ZFYVE9: variants seen among roughly 807,000 people sequenced by gnomAD.
ZFYVE9 encodes zinc finger FYVE domain-containing protein 9.
A neutral mutation model predicts 126.7 loss-of-function variants in ZFYVE9; 43 were observed. That is an observed-to-expected ratio of 0.34 (90% confidence interval 0.27 to 0.44). The LOEUF (loss-of-function observed/expected upper bound fraction) is 0.44. Ranked by LOEUF, ZFYVE9 falls within the 20% of genes least tolerant of loss-of-function variation. ZFYVE9 has a pLI of 1.00. For synonymous variants in ZFYVE9, 521 were observed against 597.4 expected (o/e 0.87, Z 1.87); for missense variants, 1,476 against 1,697.0 (o/e 0.87, Z 2.29).
intron 3 of ZFYVE9, among the ~76,000 whole-genome samples, chr1:52,234,644 A>G (rs780911709): frequency 1.3e-5 from 2 of 152,148 alleles, no homozygotes; most frequent in Non-Finnish European, 2.9e-5. Flanking sequence ...GAGAGAGAGG[A>G]AGGCTACCAG....
In ZFYVE9 at chr1:52,282,470, C is replaced by T. The variant is rs571068244; in HGVS notation, c.3025+654C>T. Among the ~76,000 whole-genome samples the T allele has an allele frequency of 1.2e-4, 18 of 152,214 alleles. No homozygotes were observed. In the South Asian group the frequency reaches 3.7e-3, roughly 32 times the overall value. The stretch of plus-strand genomic sequence containing the variant: ...ATTGAACTATTCTCGTTTATTGTAA[C>T]AGGAAGTCAGTACATAATATCTGTA... On this transcript the variant is annotated intron_variant, in intron 10 of 18. Coordinates refer to ENST00000287727, the MANE Select transcript of ZFYVE9 (RefSeq NM_004799.4).
chr1:52,251,225 C>T (rs1309178454), intron 4 of ZFYVE9, among the ~76,000 whole-genome samples: 2 of 152,074 alleles, frequency 1.3e-5, no homozygotes, highest in African/African-American at 4.8e-5. Flanking sequence ...GCACATGCCA[C>T]CATGCCTGGC....
intron 17 of ZFYVE9, among the ~76,000 whole-genome samples, chr1:52,342,821 C>T (rs552534588): frequency 1.3e-4 from 20 of 152,242 alleles, no homozygotes; most frequent in African/African-American, 3.1e-4. Context: ...TGTGAGCCAC[C>T]GCACCCGGCC....
chr1:52,179,828 T>C, intron 1 of ZFYVE9: 1 of 627,064 alleles, frequency 1.6e-6, no homozygotes, highest in African/African-American at 1.8e-5. Context: ...ACAGCTGGCT[T>C]CAGCAATTGG....
At chr1:52,175,757 A>G (rs534750239) in intron 1 of ZFYVE9, among the ~76,000 whole-genome samples, 1 of 151,952 alleles carries the variant, frequency 6.6e-6, no homozygotes, top group East Asian at 1.9e-4. Flanking sequence ...CATTCATTTC[A>G]TCTTCCATCA....
chr1:52,265,377 A>G (rs1364573322), intron 5 of ZFYVE9, among the ~76,000 whole-genome samples: 1 of 152,200 alleles, frequency 6.6e-6, no homozygotes, highest in Non-Finnish European at 1.5e-5. Context: ...TAAATATTCA[A>G]AATCCTATGG....
At chr1:52,234,023 C>G (rs867791246) in intron 3 of ZFYVE9, among the ~76,000 whole-genome samples, 3 of 152,244 alleles carry the variant, frequency 2.0e-5, no homozygotes, top group African/African-American at 4.8e-5. Flanking sequence ...TCAAGCAGTC[C>G]TCCCTCCTCA....
intron 4 of ZFYVE9, among the ~76,000 whole-genome samples, chr1:52,248,978 A>T (rs1278153919): frequency 6.6e-6 from 1 of 151,942 alleles, no homozygotes; most frequent in African/African-American, 2.4e-5. Flanking sequence ...GTGTTGGGGG[A>T]GGGGCCTGGT....
At chr1:52,157,815 G>C (rs1644417678) in intron 1 of ZFYVE9, among the ~76,000 whole-genome samples, 3 of 152,070 alleles carry the variant, frequency 2.0e-5, no homozygotes, top group African/African-American at 7.2e-5. Flanking sequence ...TGGTGTTTAA[G>C]TGCCACCACC....
At chr1:52,281,292 C>T (rs1645801643) in intron 9 of ZFYVE9, among the ~76,000 whole-genome samples, 1 of 152,020 alleles carries the variant, frequency 6.6e-6, no homozygotes, top group African/African-American at 2.4e-5. Flanking sequence ...GCCACTGCAC[C>T]CAGCTAATTT....
At chr1:52,168,279 C>T (rs1226759874) in intron 1 of ZFYVE9, among the ~76,000 whole-genome samples, 4 of 131,782 alleles carry the variant, frequency 3.0e-5, no homozygotes, top group Admixed American at 8.8e-5. Flanking sequence ...TGCAATGGTG[C>T]GATCTCAGCT....
chr1:52,145,547 A>G (rs1644298748), intron 1 of ZFYVE9, among the ~76,000 whole-genome samples: 1 of 152,204 alleles, frequency 6.6e-6, no homozygotes, highest in African/African-American at 2.4e-5. Context: ...GCGATGTGAC[A>G]TTTAGATTCT....
At chr1:52,294,256 A>C (rs1204626313) in intron 11 of ZFYVE9, among the ~76,000 whole-genome samples, 1 of 152,138 alleles carries the variant, frequency 6.6e-6, no homozygotes, top group African/African-American at 2.4e-5. Flanking sequence ...AAGATTCTCA[A>C]CTCTGCCACT....
At chr1:52,292,396 T>C (rs1645930388) in intron 10 of ZFYVE9, among the ~76,000 whole-genome samples, 1 of 151,884 alleles carries the variant, frequency 6.6e-6, no homozygotes, top group Admixed American at 6.6e-5. Flanking sequence ...TAATTCATTA[T>C]GTTCATGAGT....
At chr1:52,263,012 G>A (rs913731122) in intron 4 of ZFYVE9, among the ~76,000 whole-genome samples, 4 of 149,688 alleles carry the variant, frequency 2.7e-5, no homozygotes, top group African/African-American at 7.5e-5. Context: ...GGAGGTGGAG[G>A]TTGCAGCAGT....
intron 13 of ZFYVE9, among the ~76,000 whole-genome samples, chr1:52,306,939 C>CT (rs1406678583): frequency 1.3e-5 from 2 of 152,350 alleles, no homozygotes; most frequent in East Asian, 3.9e-4. Flanking sequence ...TCACCCTTGA[C>CT]AGACATGGGA....
At chr1:52,210,483 A>G (rs535831094) in intron 1 of ZFYVE9, among the ~76,000 whole-genome samples, 4 of 152,054 alleles carry the variant, frequency 2.6e-5, no homozygotes, top group African/African-American at 9.7e-5. Flanking sequence ...TGTCCCTATT[A>G]AGGTTTTTAT....
intron 3 of ZFYVE9, among the ~76,000 whole-genome samples, chr1:52,234,135 C>G (rs1645250807): frequency 6.6e-6 from 1 of 152,198 alleles, no homozygotes; most frequent in Non-Finnish European, 1.5e-5. Context: ...CTTGGTTTAA[C>G]TTGAGTGGGT....
At chr1:52,277,540 A>C (rs928706768) in intron 8 of ZFYVE9, among the ~76,000 whole-genome samples, 1 of 152,196 alleles carries the variant, frequency 6.6e-6, no homozygotes, top group Non-Finnish European at 1.5e-5. Flanking sequence ...TTCTCTTTCC[A>C]ATAAATATTT....
Sources: allele counts gnomAD v4.1 joint callset (sites outside exome capture counted in the v4.1 genomes callset), GRCh38; gene constraint gnomAD v4.1.1; transcripts MANE v1.5; gene names NCBI Gene and HGNC (gene_info 2026-07-23, HGNC 2026-07-21).